DAB1: variants seen among roughly 807,000 people sequenced by gnomAD.
The protein encoded by DAB1 is disabled homolog 1.
Under a neutral mutation model 64.6 loss-of-function variants are expected in DAB1, and 15 were observed. That is an observed-to-expected ratio of 0.23 (90% CI 0.16 to 0.36). The LOEUF (loss-of-function observed/expected upper bound fraction) is 0.36. Ranked by LOEUF, DAB1 falls within the 10% of genes least tolerant of loss-of-function variation. The pLI is 1.00. For missense variants in DAB1, 596 were observed against 706.7 expected (o/e 0.84, Z 1.78); for synonymous variants, 235 against 251.9 (o/e 0.93, Z 0.64).
chr1:57,557,424 A>T (rs935750422), intron 7 of DAB1, among the ~76,000 whole-genome samples: 4 of 151,800 alleles, frequency 2.6e-5, no homozygotes, highest in Admixed American at 2.6e-4. Flanking sequence ...ATATATACAC[A>T]CACACATATA....
chr1:57,889,911 A>G (rs201602583), intron 5 of DAB1, among the ~76,000 whole-genome samples: 4,364 of 39,586 alleles, frequency 0.11, 9 homozygotes, highest in Admixed American at 0.12. Context: ...GGGGGGGGGG[A>G]GGGGGAAGAA....
intron 3 of DAB1, among the ~76,000 whole-genome samples, chr1:58,351,288 A>G (rs1644052931): frequency 6.6e-6 from 1 of 152,162 alleles, no homozygotes. Flanking sequence ...TTTGGCTCAT[A>G]AACCCATGCA....
rs1374309281 is a variant in DAB1, at chr1:57,997,502, T to C, written n.388-113340A>G. Among the ~76,000 whole-genome samples the C allele has an allele frequency of 2.0e-5, 3 of 152,304 alleles. No individual in the cohort carries two copies. The South Asian group carries it at 6.2e-4, about 32-fold the overall frequency. On this transcript the variant is annotated intron_variant and non_coding_transcript_variant, in intron 5 of 20. Transcript: ENST00000485760. ...TTAAACTTGTCTTGGTCCCTCCCTC[T>C]GCCTTATAGCCCCTCAGTTGAATTC...
intron 6 of DAB1, among the ~76,000 whole-genome samples, chr1:57,661,995 T>C (rs1485814643): frequency 2.6e-5 from 4 of 151,936 alleles, no homozygotes; most frequent in African/African-American, 7.2e-5. Flanking sequence ...AAAGATAAAA[T>C]ATCCTGAGGT....
At chr1:58,058,951 G>A (rs1485886726) in intron 5 of DAB1, among the ~76,000 whole-genome samples, 8 of 152,162 alleles carry the variant, frequency 5.3e-5, no homozygotes, top group Non-Finnish European at 1.2e-4. Context: ...CCTTCAGGTA[G>A]GAACACACCT....
chr1:58,187,782 T>A, intron 4 of DAB1, among the ~76,000 whole-genome samples: 1 of 151,842 alleles, frequency 6.6e-6, no homozygotes, highest in Non-Finnish European at 1.5e-5. Flanking sequence ...TTTCCCCATG[T>A]TGGCTAGGTT....
chr1:58,204,884 TAAGA>T (rs910768551), intron 4 of DAB1, among the ~76,000 whole-genome samples: 3 of 152,186 alleles, frequency 2.0e-5, no homozygotes, highest in African/African-American at 7.2e-5. Flanking sequence ...TGATTCCAAC[TAAGA>T]GTTCCTATGA....
chr1:57,873,971 C>T (rs722187), intron 1 of DAB1: 90,744 of 151,914 alleles, frequency 0.6, 27,197 homozygotes, highest in Admixed American at 0.65. Context: ...GAACAGTCTA[C>T]ATGAGTCTCT....
chr1:58,043,537 C>T (rs1647172851), intron 5 of DAB1, among the ~76,000 whole-genome samples: 1 of 152,154 alleles, frequency 6.6e-6, no homozygotes, highest in African/African-American at 2.4e-5. Flanking sequence ...TCACCCATGA[C>T]CCATGATGTC....
intron 6 of DAB1, among the ~76,000 whole-genome samples, chr1:57,780,221 T>A (rs891333942): frequency 6.6e-6 from 1 of 152,114 alleles, no homozygotes; most frequent in Admixed American, 6.6e-5. Flanking sequence ...ATATTTCTCA[T>A]ACATTTTTAA....
At chr1:57,120,880 C>T (rs1656574260) in intron 4 of DAB1, among the ~76,000 whole-genome samples, 1 of 152,094 alleles carries the variant, frequency 6.6e-6, no homozygotes, top group South Asian at 2.1e-4. Context: ...TTGCTTCCAC[C>T]TTGTACAGCA....
chr1:57,400,262 A>T (rs967349635), intron 1 of DAB1, among the ~76,000 whole-genome samples: 1 of 152,136 alleles, frequency 6.6e-6, no homozygotes, highest in South Asian at 2.1e-4. Context: ...TTTCAGGTTA[A>T]TTTTTAACCT....
intron 5 of DAB1, among the ~76,000 whole-genome samples, chr1:57,889,849 G>A (rs1465658809): frequency 1.5e-5 from 2 of 131,168 alleles, no homozygotes; most frequent in Non-Finnish European, 3.1e-5. Context: ...TTGCACACAG[G>A]AAATTTTCTA....
rs1359963409 is a variant in DAB1 at position 57,450,838 on chromosome 1, A to T, written n.626-159672T>A. On this transcript the variant is annotated intron_variant and non_coding_transcript_variant, in intron 7 of 20. Coordinates refer to the DAB1 transcript ENST00000485760. Reference sequence around the variant, plus strand: ...ATGAACTGACCATTCCTGTATGTCCATCAAAAGAATTATTGTGTCACAGAG... The same window carrying T: ...ATGAACTGACCATTCCTGTATGTCCTTCAAAAGAATTATTGTGTCACAGAG... 4.6e-5 allele frequency among the ~76,000 whole-genome samples: 7 copies of T among 152,326 alleles called. No individual in the cohort carries two copies. In the South Asian group the frequency reaches 6.2e-4, roughly 14 times the overall value.
intron 6 of DAB1, among the ~76,000 whole-genome samples, chr1:57,810,267 G>C (rs560430395): frequency 6.6e-6 from 1 of 152,120 alleles, no homozygotes; most frequent in Non-Finnish European, 1.5e-5. Context: ...AAGAGAAGAG[G>C]GCCTATTGCC....
intron 4 of DAB1, chr1:58,228,756 G>A: frequency 1.1e-6 from 1 of 939,974 alleles, no homozygotes; most frequent in African/African-American, 1.6e-5. Context: ...CACGTTGATG[G>A]CATAGGTGGT....
At chr1:58,508,902 G>C (rs934828804) in intron 2 of DAB1, among the ~76,000 whole-genome samples, 1 of 151,128 alleles carries the variant, frequency 6.6e-6, no homozygotes, top group Admixed American at 6.6e-5. Context: ...GGCTGTCCAA[G>C]GGACTGGCTT....
rs751900815 is a variant in DAB1 at position 58,481,098 on chromosome 1, G to C, written n.257+24962C>G. 1.3e-5 allele frequency: 11 copies of C among 871,648 alleles called. No homozygotes were observed. In the East Asian group the frequency reaches 1.9e-4, roughly 15 times the overall value. The allele number at this position is 871,648 out of a possible 1,614,324, so 54.0% of individuals were successfully genotyped here. A position where few individuals can be genotyped will look rare whatever the true frequency, so the allele number is the denominator to read the frequency against. ...CTCTGATTCTTCAAGAAAATGCTTCGTGCTGAGTTTGAATAGTAATCGAGG... is the reference window on the plus strand; with the variant it reads ...CTCTGATTCTTCAAGAAAATGCTTCCTGCTGAGTTTGAATAGTAATCGAGG... On this transcript the variant is annotated intron_variant and non_coding_transcript_variant, in intron 3 of 20. Coordinates refer to the DAB1 transcript ENST00000485760.
intron 7 of DAB1, among the ~76,000 whole-genome samples, chr1:57,516,330 C>A (rs545836508): frequency 6.6e-6 from 1 of 151,682 alleles, no homozygotes; most frequent in East Asian, 1.9e-4. Context: ...AGATGAGACA[C>A]AGGAAATGAT....
Sources: gnomAD v4.1 joint callset for allele counts (sites outside exome capture counted in the v4.1 genomes callset) on GRCh38, gnomAD v4.1.1 for gene constraint, MANE v1.5 for transcripts, NCBI Gene and HGNC (gene_info 2026-07-23, HGNC 2026-07-21) for gene names.